The following UGGT2 variants were observed in gnomAD, a reference collection of about 807,000 sequenced individuals.
UGGT2 encodes the protein UDP-glucose glycoprotein glucosyltransferase 2, also known as UDP-glucose:glycoprotein glucosyltransferase 2.
UGGT2 carries 180 observed loss-of-function variants against 192.1 expected under a neutral mutation model. The ratio of observed to expected loss-of-function variants is 0.94; its 90% confidence interval spans 0.83 to 1.06. UGGT2 has a LOEUF of 1.06. UGGT2 is among the 50% of genes least tolerant of loss of function. The probability of loss-of-function intolerance (pLI) is 0.00; values close to 1 mark genes in which losing one functional copy is unlikely to be tolerated. For synonymous variants in UGGT2, 580 were observed against 591.0 expected (o/e 0.98, Z 0.27); for missense variants, 1,849 against 1,795.7 (o/e 1.03, Z -0.54).
In UGGT2 at chr13:95,849,569, T is replaced by C. The variant is rs551307123; in HGVS notation, c.4284+3974A>G. 3.8e-4 allele frequency among the ~76,000 whole-genome samples: 57 copies of C among 151,496 alleles called. No individual in the cohort carries two copies. In the Middle Eastern group the frequency reaches 0.01, roughly 28 times the overall value. ...AAAAAAAAAAAAAAAAAGTATCTTA[T>C]GCAAAATAGCATTTAATTTTTTATA... On this transcript the variant is annotated intron_variant, in intron 36 of 38. Coordinates refer to ENST00000376747, the MANE Select transcript of UGGT2 (RefSeq NM_020121.4).
chr13:95,985,763 G>A (rs532162501), intron 9 of UGGT2, among the ~76,000 whole-genome samples: 5 of 152,200 alleles, frequency 3.3e-5, no homozygotes, highest in East Asian at 1.9e-4. Flanking sequence ...TGCATGCACC[G>A]GTCTCTTTAA....
chr13:96,020,282 G>GTA (rs2052476271), intron 4 of UGGT2, among the ~76,000 whole-genome samples: 2 of 151,986 alleles, frequency 1.3e-5, no homozygotes, highest in African/African-American at 4.8e-5. Flanking sequence ...TTTAAAAAGG[G>GTA]GTGTACTAAG....
chr13:95,843,025 T>A (rs941985264), intron 36 of UGGT2, among the ~76,000 whole-genome samples: 4 of 152,184 alleles, frequency 2.6e-5, no homozygotes, highest in African/African-American at 9.7e-5. Flanking sequence ...AGGTAACAAA[T>A]ACAGGGGGGT....
chr13:95,981,521 G>C (rs2051124613), intron 10 of UGGT2, among the ~76,000 whole-genome samples: 2 of 152,018 alleles, frequency 1.3e-5, no homozygotes, highest in Admixed American at 6.6e-5. Context: ...CCCAGACCCA[G>C]AGGAAAATCC....
intron 37 of UGGT2, 28 bp from the exon 38 acceptor site, chr13:95,833,081 G>T: frequency 6.2e-7 from 1 of 1,605,212 alleles, no homozygotes; most frequent in South Asian, 1.1e-5. Flanking sequence ...TTTTGTTAAT[G>T]AAAGACCATG....
chr13:96,011,427 C>A (rs2052158639), intron 5 of UGGT2, among the ~76,000 whole-genome samples: 1 of 151,970 alleles, frequency 6.6e-6, no homozygotes, highest in African/African-American at 2.4e-5. Flanking sequence ...AAAAGCCAGA[C>A]AACTTCATTA....
chr13:95,856,308 T>G lies in UGGT2; in HGVS notation c.3858A>C (p.Gly1286=). ...EVIPHMAKEY[G]FRYELVQYRW... is the part of the protein sequence containing the mutation. ...TATATTGAACTAGTTCATATCGGAA[T>G]CCATACTCTTTAGCCATGTGAGGAA... The change falls in exon 34 of 39, where the codon GGA becomes GGC. Residue 1286 remains glycine (G), a synonymous_variant. Transcript: ENST00000376747. 6.2e-7 allele frequency: 1 copy of G among 1,611,698 alleles called. No individual in the cohort carries two copies. The highest frequency in any genetic ancestry group is 1.1e-5 in the South Asian group (1 of 90,494).
chr13:96,042,827 A>G (rs760736586), intron 1 of UGGT2, among the ~76,000 whole-genome samples: 56 of 152,074 alleles, frequency 3.7e-4, no homozygotes, highest in Non-Finnish European at 7.5e-4. Context: ...AAAAAGGATA[A>G]TAAAATATGA....
At chr13:95,905,610 T>C (rs1363174515) in intron 20 of UGGT2, among the ~76,000 whole-genome samples, 1 of 152,024 alleles carries the variant, frequency 6.6e-6, no homozygotes, top group Non-Finnish European at 1.5e-5. Context: ...TAGTTGTAGA[T>C]ATGCGGCGTT....
At chr13:95,983,050 T>A (rs571504153) in intron 10 of UGGT2, among the ~76,000 whole-genome samples, 1 of 152,312 alleles carries the variant, frequency 6.6e-6, no homozygotes, top group Non-Finnish European at 1.5e-5. Context: ...CTTTGCTTCG[T>A]TATTAGAAAA....
At position 95,948,005 on chromosome 13, in the gene UGGT2, A is replaced by G; in HGVS notation, c.1532T>C (p.Val511Ala). The G allele has an allele frequency of 6.2e-7, 1 of 1,612,322 alleles. No homozygotes were observed. Among genetic ancestry groups the G allele is most frequent in the Non-Finnish European group, 8.5e-7 (1 of 1,178,942 alleles). Residue 511 changes from valine (V) to alanine (A), a missense_variant, in exon 14 of 39, where the codon GTT becomes GCT. Coordinates refer to ENST00000376747, the MANE Select transcript of UGGT2 (RefSeq NM_020121.4). ...ATAAAATGACAATTACCTAAGAGGAACTTCGTGAGAATAGAAAACATCAGC... is the reference window on the plus strand; with the variant it reads ...ATAAAATGACAATTACCTAAGAGGAGCTTCGTGAGAATAGAAAACATCAGC... The part of the protein sequence containing the change: ...KLADVFYSHE[V>A]PLRIGFVFIL...
chr13:96,015,277 C>CA (rs35384365), intron 4 of UGGT2, among the ~76,000 whole-genome samples: 286 of 111,124 alleles, frequency 2.6e-3, no homozygotes, highest in African/African-American at 6.7e-3. Flanking sequence ...GACTCCGTCT[C>CA]AAAAAAAAAA....
chr13:95,851,566 T>C (rs1046043144), intron 36 of UGGT2, among the ~76,000 whole-genome samples: 29 of 152,078 alleles, frequency 1.9e-4, no homozygotes, highest in Non-Finnish European at 1.9e-4. Context: ...TAGAAGCCAA[T>C]AGAGAGTCAA....
intron 35 of UGGT2, among the ~76,000 whole-genome samples, chr13:95,853,861 A>T (rs1008533973): frequency 1.3e-5 from 2 of 152,162 alleles, no homozygotes; most frequent in Non-Finnish European, 2.9e-5. Context: ...TAGAACCCAT[A>T]ATCTTTTAGG....
Position 95,996,079 on chromosome 13 carries a change from G to A in UGGT2, c.814C>T (p.Leu272Phe). ...CAGACTTACTTTAGTTTCCCAAAGA[G>A]AAATCCTTGAACTTCATTTGTTTCA... ...ETETNEVQGF[L>F]FGKLKEIYSD... Residue 272 changes from leucine to phenylalanine, a missense_variant, in exon 7 of 39, where the codon CTC (leucine) becomes TTC (phenylalanine). By Grantham distance (22) the Leu-to-Phe change is conservative (BLOSUM62 0). Transcript: ENST00000376747. The A allele has an allele frequency of 6.2e-7, 1 of 1,613,422 alleles. No homozygotes were observed. The highest frequency in any genetic ancestry group is 8.5e-7 in the Non-Finnish European group (1 of 1,179,678).
At chr13:95,920,996 T>C (rs1008615510) in intron 20 of UGGT2, among the ~76,000 whole-genome samples, 7 of 152,144 alleles carry the variant, frequency 4.6e-5, no homozygotes, top group Non-Finnish European at 8.8e-5. Context: ...ATATACACCA[T>C]GGAATACTAT....
At chr13:95,816,151 C>G (rs1019092726) in intron 38 of UGGT2, among the ~76,000 whole-genome samples, 1 of 152,176 alleles carries the variant, frequency 6.6e-6, no homozygotes, top group African/African-American at 2.4e-5. Flanking sequence ...TTATAAATTA[C>G]CCAGTCTCAG....
intron 36 of UGGT2, among the ~76,000 whole-genome samples, chr13:95,844,150 CAG>C (rs1413210544): frequency 6.6e-6 from 1 of 151,980 alleles, no homozygotes; most frequent in African/African-American, 2.4e-5. Flanking sequence ...TTAGTAGAAA[CAG>C]AGTTTCACCA....
At chr13:95,813,100 C>T (rs1884658611) in intron 38 of UGGT2, among the ~76,000 whole-genome samples, 1 of 151,994 alleles carries the variant, frequency 6.6e-6, no homozygotes, top group Admixed American at 6.5e-5. Flanking sequence ...TGGCCTAATA[C>T]AGAAAATTGG....
Sources: allele counts gnomAD v4.1 joint callset (sites outside exome capture counted in the v4.1 genomes callset), GRCh38; gene constraint gnomAD v4.1.1; transcripts MANE v1.5; gene names NCBI Gene and HGNC (gene_info 2026-07-23, HGNC 2026-07-21).